Variants in PADI3 observed in about 807,000 individuals in gnomAD.
The protein encoded by PADI3 is peptidyl arginine deiminase 3, also known as protein-arginine deiminase type-3.
In PADI3, 53 loss-of-function variants were observed where a neutral mutation model predicts 71.5. That is an observed-to-expected ratio of 0.74 (90% confidence interval 0.59 to 0.93). The LOEUF is 0.93. PADI3 is among the 40% of genes least tolerant of loss of function. The pLI is 0.00. For missense variants in PADI3, 821 were observed against 868.0 expected (o/e 0.95, Z 0.68); for synonymous variants, 361 against 347.5 (o/e 1.04, Z -0.43).
intron 10 of PADI3, 62 bp downstream of exon 10, chr1:17,273,509 C>A (rs2073285333): frequency 1.8e-6 from 2 of 1,118,902 alleles, no homozygotes; most frequent in Non-Finnish European, 2.7e-6. Flanking sequence ...AGGGGCCACA[C>A]CGGGGTGTGG....
chr1:17,271,307 T>C, intron 9 of PADI3, 129 bp downstream of exon 9: 1 of 730,182 alleles, frequency 1.4e-6, no homozygotes. Context: ...CCGTTTCTAA[T>C]GTGAGACCTA....
intron 1 of PADI3, among the ~76,000 whole-genome samples, chr1:17,255,668 A>G (rs1011574231): frequency 2.0e-5 from 3 of 152,156 alleles, no homozygotes; most frequent in African/African-American, 7.2e-5. Context: ...GACAGGCATG[A>G]GCACTGGACT....
In PADI3 at chr1:17,283,310, A is replaced by C; in HGVS notation, c.*231A>C. 1.9e-6 allele frequency: 1 copy of C among 532,442 alleles called. No individual in the cohort carries two copies. The highest frequency in any genetic ancestry group is 2.3e-5 in the South Asian group (1 of 42,614). 33.0% of individuals were successfully genotyped at this position (532,442 alleles called of 1,614,324 possible). ...TCGGCCCCCCAAAAAGAAGGACCTC[A>C]TTTCTTATAGCCTCTCCTGTGATTC... On this transcript the variant is annotated 3_prime_UTR_variant, in exon 16 of 16. Coordinates refer to ENST00000375460, the MANE Select transcript of PADI3 (RefSeq NM_016233.2).
In PADI3 at chr1:17,274,668, C is replaced by A. The variant is rs139324096; in HGVS notation, c.1189C>A (p.Arg397Ser). ...TTTTGGTTACGTGACTCGGGAACCA[C>A]GCGACAGGTCTGTGAGTGGCCTGGA... ...PDFGYVTREP[R>S]DRSVSGLDSF... Residue 397 changes from arginine (R) to serine (S), a missense_variant, in exon 11 of 16, where the codon CGC (arginine) becomes AGC (serine). Physicochemically the swap from Arg to Ser is moderately radical, Grantham distance 110 (BLOSUM62 -1). Transcript: ENST00000375460. The A allele has an allele frequency of 1.7e-5, 27 of 1,613,440 alleles. No individual in the cohort carries two copies. The South Asian group carries it at 2.9e-4, about 17-fold the overall frequency.
At chr1:17,255,195 TTGTC>T (rs1344625910) in intron 1 of PADI3, among the ~76,000 whole-genome samples, 2 of 152,256 alleles carry the variant, frequency 1.3e-5, no homozygotes, top group African/African-American at 2.4e-5. Flanking sequence ...CTGTTCCTGT[TTGTC>T]TGGGACCTTG....
rs2073302162 is a variant in PADI3, at chr1:17,274,701, G to A, written c.1222G>A (p.Gly408Arg). ...GTCTGTGAGTGGCCTGGACTCCTTT[G>A]GGAACCTGGAGGTCAGCCCTCCAGT... ...DRSVSGLDSF[G>R]NLEVSPPVVA... is the part of the protein sequence containing the mutation. The change falls in exon 11 of 16, where the codon GGG (glycine) becomes AGG (arginine). Residue 408 changes from glycine (G) to arginine (R), a missense_variant. Transcript: ENST00000375460. 6.2e-7 allele frequency: 1 copy of A among 1,613,848 alleles called. No homozygotes were observed. The highest frequency in any genetic ancestry group is 8.5e-7 in the Non-Finnish European group (1 of 1,179,944).
At chr1:17,275,693 G>A (rs1427583963) in intron 11 of PADI3, among the ~76,000 whole-genome samples, 1 of 152,280 alleles carries the variant, frequency 6.6e-6, no homozygotes, top group East Asian at 1.9e-4. Context: ...TATCATATTG[G>A]TTACTTGCTG....
chr1:17,274,780 T>A lies in PADI3; in HGVS notation c.1301T>A (p.Leu434Gln), dbSNP rs1262442887. Residue 434 changes from leucine to glutamine, a missense_variant, in exon 11 of 16, where the codon CTG becomes CAG. Physicochemically the swap from Leu to Gln is moderately radical, Grantham distance 113 (BLOSUM62 -2). Coordinates refer to ENST00000375460, the MANE Select transcript of PADI3 (RefSeq NM_016233.2). ...GGGAGGATCCTCATTGGGGGCAACC[T>A]GCCTGGGTGAGAGAGAGACAGGGAA... ...PLGRILIGGNLPGSSGRRVTQ... is the reference protein window; with the variant it reads ...PLGRILIGGNQPGSSGRRVTQ... The A allele has an allele frequency of 6.2e-7, 1 of 1,613,292 alleles. No individual in the cohort carries two copies. Among genetic ancestry groups the A allele is most frequent in the Admixed American group, 1.7e-5 (1 of 59,942 alleles).
intron 6 of PADI3, among the ~76,000 whole-genome samples, chr1:17,268,646 T>C (rs2073204430): frequency 6.6e-6 from 1 of 151,796 alleles, no homozygotes; most frequent in Non-Finnish European, 1.5e-5. Flanking sequence ...TAGCTGTGAC[T>C]GCAGGCATGT....
In PADI3 at chr1:17,274,747, AC is replaced by A. The variant is rs779828764; in HGVS notation, c.1273del (p.Leu425TrpfsTer51). On this transcript the variant is annotated frameshift_variant, in exon 11 of 16. Coordinates refer to ENST00000375460, the MANE Select transcript of PADI3 (RefSeq NM_016233.2). LOFTEE classifies it high-confidence loss of function. ...SPPVVANGKE[Y>X]PLGRILIGGN... ...CCAGTGGTGGCCAATGGGAAAGAGT[AC>A]CCCCTGGGGAGGATCCTCATTGGGG... 1 of 1,613,326 alleles carries A rather than the reference AC, an allele frequency of 6.2e-7. No homozygotes were observed. The highest frequency in any genetic ancestry group is 1.1e-5 in the South Asian group (1 of 90,932).
chr1:17,261,469 G>C (rs1315256902), intron 2 of PADI3, among the ~76,000 whole-genome samples: 1 of 152,190 alleles, frequency 6.6e-6, no homozygotes, highest in Non-Finnish European at 1.5e-5. Context: ...ATTCAAAAGT[G>C]GGGGATTCAG....
At position 17,284,040 on chromosome 1, in the gene PADI3, C is replaced by T. The variant is rs1398646229; in HGVS notation, c.*961C>T. The T allele has an allele frequency of 6.6e-6, 1 of 151,304 alleles. No individual in the cohort carries two copies. The highest frequency in any genetic ancestry group is 2.0e-4 in the East Asian group (1 of 5,110). The allele number at this position is 151,304 out of a possible 1,614,324, so 9.4% of individuals were successfully genotyped here. On this transcript the variant is annotated 3_prime_UTR_variant, in exon 16 of 16. Coordinates refer to ENST00000375460, the MANE Select transcript of PADI3 (RefSeq NM_016233.2). ...TTGGTCAGCGTTTCCACATCCTGCT[C>T]TGCTGCAGGAGAGGGGGCTAAGGGG...
chr1:17,257,804 A>G (rs1383370292), intron 1 of PADI3, among the ~76,000 whole-genome samples: 1 of 152,168 alleles, frequency 6.6e-6, no homozygotes, highest in South Asian at 2.1e-4. Flanking sequence ...TCCCCTACGT[A>G]TCCTGTGCCT....
At chr1:17,278,731 TGACACGCAGGATCATA>T (rs2073365331) in intron 13 of PADI3, among the ~76,000 whole-genome samples, 1 of 151,976 alleles carries the variant, frequency 6.6e-6, no homozygotes. Context: ...AAAGACCCTT[TGACACGCAGGATCATA>T]GATTTTCTTG....
At chr1:17,255,180 G>C (rs2073012753) in intron 1 of PADI3, among the ~76,000 whole-genome samples, 1 of 152,224 alleles carries the variant, frequency 6.6e-6, no homozygotes, top group Non-Finnish European at 1.5e-5. Context: ...TTTTAGGGAG[G>C]CCAACTGTTC....
At chr1:17,270,480 CTCT>C in intron 7 of PADI3, 69 bp downstream of exon 7, 1 of 1,302,620 alleles carries the variant, frequency 7.7e-7, no homozygotes, top group South Asian at 1.5e-5. Context: ...GAAACCCCAT[CTCT>C]ACAAAAAAAA....
At chr1:17,275,014 T>C (rs2100594983) in intron 11 of PADI3, among the ~76,000 whole-genome samples, 1 of 152,258 alleles carries the variant, frequency 6.6e-6, no homozygotes, top group East Asian at 1.9e-4. Context: ...GATCATTCAG[T>C]CCAACACTTT....
chr1:17,274,977 G>C (rs2073308285), intron 11 of PADI3, among the ~76,000 whole-genome samples, 191 bp downstream of exon 11: 1 of 152,118 alleles, frequency 6.6e-6, no homozygotes, highest in Admixed American at 6.5e-5. Flanking sequence ...CGGGGACTCT[G>C]AAACCAGAGA....
chr1:17,265,773 T>G, intron 4 of PADI3, 53 bp downstream of exon 4: 1 of 1,528,962 alleles, frequency 6.5e-7, no homozygotes, highest in Admixed American at 1.7e-5. Flanking sequence ...GAGCTTGCTC[T>G]AGGTTGGGTT....
Sources: allele counts gnomAD v4.1 joint callset (sites outside exome capture counted in the v4.1 genomes callset), GRCh38; gene constraint gnomAD v4.1.1; transcripts MANE v1.5; gene names NCBI Gene and HGNC (gene_info 2026-07-23, HGNC 2026-07-21).